FGF13: variants seen among roughly 807,000 people sequenced by gnomAD.
FGF13 encodes fibroblast growth factor 13.
Under a neutral mutation model 19.5 loss-of-function variants are expected in FGF13, and 2 were observed. That is an observed-to-expected ratio of 0.10 (90% CI 0.04 to 0.32). The LOEUF (loss-of-function observed/expected upper bound fraction) is 0.32, where lower values mean the gene tolerates loss of function less well. FGF13 is among the 10% of genes least tolerant of loss of function. The probability of loss-of-function intolerance (pLI) is 1.00; values close to 1 mark genes in which losing one functional copy is unlikely to be tolerated. For missense variants in FGF13, 113 were observed against 192.7 expected, an observed-to-expected ratio of 0.59 and a Z score of 2.45; for synonymous variants, 72 against 76.9, an observed-to-expected ratio of 0.94 and a Z score of 0.33.
At chrX:139,168,601 A>G (rs895877431) in intron 1 of FGF13, among the ~76,000 whole-genome samples, 2 of 112,088 alleles carry the variant, frequency 1.8e-5, no homozygotes, top group African/African-American at 6.5e-5. Context: ...TAGCAATATT[A>G]AAACATTCAT....
intron 3 of FGF13, among the ~76,000 whole-genome samples, chrX:138,831,809 T>C (rs1569406506): frequency 9.0e-6 from 1 of 111,548 alleles, no homozygotes; most frequent in Non-Finnish European, 1.9e-5. Flanking sequence ...TAGTTATTTT[T>C]GCTGATCCTC....
chrX:139,028,749 A>AG (rs758212984), intron 1 of FGF13, among the ~76,000 whole-genome samples: 5 of 108,596 alleles, frequency 4.6e-5, no homozygotes, highest in Non-Finnish European at 9.6e-5. Context: ...TGCAAAGAAG[A>AG]GGTGTATGAT....
intron 3 of FGF13, among the ~76,000 whole-genome samples, chrX:138,840,652 T>C (rs750208939): frequency 9.0e-6 from 1 of 111,344 alleles, no homozygotes; most frequent in Non-Finnish European, 1.9e-5. Context: ...GAAATATAGG[T>C]AGAAGATGAA....
At chrX:139,159,655 CAA>C (rs550001786) in intron 1 of FGF13, among the ~76,000 whole-genome samples, 6 of 51,658 alleles carry the variant, frequency 1.2e-4, no homozygotes, top group African/African-American at 1.5e-4. Context: ...AAAGAGAAAG[CAA>C]AAAAAAAAAA....
chrX:139,084,923 T>A (rs1163898714), intron 1 of FGF13, among the ~76,000 whole-genome samples: 2 of 111,778 alleles, frequency 1.8e-5, no homozygotes, highest in East Asian at 5.6e-4. Flanking sequence ...CCTCTCCCAA[T>A]CTCTGCTCCT....
intron 3 of FGF13, among the ~76,000 whole-genome samples, chrX:138,752,594 C>T (rs895750822): frequency 8.9e-6 from 1 of 111,903 alleles, no homozygotes. Context: ...AATATGCACA[C>T]TCAGGCAGAG....
chrX:138,962,359 G>C (rs138202447), intron 1 of FGF13, among the ~76,000 whole-genome samples: 2,334 of 111,863 alleles, frequency 0.021, 66 homozygotes, highest in African/African-American at 0.072. Flanking sequence ...GTGCTGGAGA[G>C]GATGTGGAGA....
At chrX:138,947,719 T>A (rs1277791353) in intron 1 of FGF13, among the ~76,000 whole-genome samples, 1 of 111,635 alleles carries the variant, frequency 9.0e-6, no homozygotes, top group Non-Finnish European at 1.9e-5. Context: ...TTGATCCTAA[T>A]CACAAAACTA....
At chrX:138,677,693 C>T (rs372899959) in intron 3 of FGF13, among the ~76,000 whole-genome samples, 16 of 108,544 alleles carry the variant, frequency 1.5e-4, no homozygotes, top group African/African-American at 5.0e-4. Context: ...GTGCTGGAGA[C>T]GATGTGGAGA....
At position 138,817,167 on chromosome X, in the gene FGF13, T is replaced by C. The variant is rs1602905924; in HGVS notation, c.217+40345A>G. Reference sequence around the variant, plus strand: ...GATAGGAGGGCAAATGTGATTATTATGGTTATTTTTCCATATCTGCCCTAA... The same window carrying C: ...GATAGGAGGGCAAATGTGATTATTACGGTTATTTTTCCATATCTGCCCTAA... On this transcript the variant is annotated intron_variant, in intron 3 of 6. Transcript: ENST00000436198. Among the ~76,000 whole-genome samples, 3 of 111,510 alleles carry C rather than the reference T, an allele frequency of 2.7e-5. No individual in the cohort carries two copies. In the Admixed American group the frequency reaches 2.9e-4, roughly 11 times the overall value.
intron 3 of FGF13, among the ~76,000 whole-genome samples, chrX:138,744,982 A>G (rs2090345124): frequency 8.9e-6 from 1 of 111,960 alleles, no homozygotes; most frequent in Non-Finnish European, 1.9e-5. Context: ...ACAAGTGTAC[A>G]CAGCTGGTAC....
intron 1 of FGF13, among the ~76,000 whole-genome samples, chrX:138,709,224 T>C (rs2090019639): frequency 8.9e-6 from 1 of 112,525 alleles, no homozygotes. Context: ...GTATTTGTAA[T>C]GGGTTGGCAA....
chrX:139,093,759 C>T (rs890834947), intron 1 of FGF13, among the ~76,000 whole-genome samples: 5 of 111,913 alleles, frequency 4.5e-5, no homozygotes, highest in Non-Finnish European at 9.4e-5. Context: ...GGCTTAGGAA[C>T]ACGTGCAAGA....
intron 1 of FGF13, among the ~76,000 whole-genome samples, chrX:139,021,405 C>T (rs1022007128): frequency 9.0e-6 from 1 of 110,832 alleles, no homozygotes. Context: ...ATAAGTGACA[C>T]AAAATGGCAT....
chrX:138,969,774 T>C (rs2091908248), intron 1 of FGF13, among the ~76,000 whole-genome samples: 1 of 111,738 alleles, frequency 8.9e-6, no homozygotes, highest in Non-Finnish European at 1.9e-5. Context: ...CTAACACCAA[T>C]GGAAATCCAT....
chrX:139,105,777 T>C (rs2083555181), intron 1 of FGF13, among the ~76,000 whole-genome samples: 1 of 112,182 alleles, frequency 8.9e-6, no homozygotes, highest in Admixed American at 9.4e-5. Context: ...CTACAATACT[T>C]TAGAATGCAT....
At chrX:138,809,383 C>G (rs1305477701) in intron 3 of FGF13, among the ~76,000 whole-genome samples, 1 of 111,588 alleles carries the variant, frequency 9.0e-6, no homozygotes, top group Non-Finnish European at 1.9e-5. Context: ...AGGCCTTCGA[C>G]AAAATTCTAC....
chrX:138,922,012 A>G (rs2091648856), intron 1 of FGF13, among the ~76,000 whole-genome samples: 1 of 109,062 alleles, frequency 9.2e-6, no homozygotes, highest in South Asian at 4.0e-4. Flanking sequence ...ACAACAAAAA[A>G]AACGACCTCT....
rs748632334 is a variant in FGF13, at chrX:138,897,592, G to T, written c.-112-32942C>A. Among the ~76,000 whole-genome samples the T allele has an allele frequency of 2.6e-4, 29 of 112,020 alleles. 1 individual carries two copies. The highest frequency in any genetic ancestry group is 5.4e-4 in the Non-Finnish European group (29 of 53,220). Reference sequence around the variant, plus strand: ...CAGCCACAGCAGATGCTACACACTTGTCATATCTCTGTCTGCTGGGCCAGC... The same window carrying T: ...CAGCCACAGCAGATGCTACACACTTTTCATATCTCTGTCTGCTGGGCCAGC... On this transcript the variant is annotated intron_variant, in intron 1 of 2. Transcript: ENST00000421460.
Sources: gnomAD v4.1 joint callset for allele counts (sites outside exome capture counted in the v4.1 genomes callset) on GRCh38, gnomAD v4.1.1 for gene constraint, MANE v1.5 for transcripts, NCBI Gene and HGNC (gene_info 2026-07-23, HGNC 2026-07-21) for gene names.